The following CADPS2 variants were observed in gnomAD, a reference collection of about 807,000 sequenced individuals.
CADPS2 encodes calcium dependent secretion activator 2.
A neutral mutation model predicts 172.5 loss-of-function variants in CADPS2; 93 were observed. The observed-to-expected ratio is 0.54, with a 90% CI of 0.46 to 0.64. The LOEUF is 0.64. CADPS2 is among the 30% of genes least tolerant of loss of function. The pLI is 0.00. For missense variants in CADPS2, 1,420 were observed against 1,565.9 expected (o/e 0.91, Z 1.57); for synonymous variants, 546 against 555.2 (o/e 0.98, Z 0.23).
intron 7 of CADPS2, among the ~76,000 whole-genome samples, chr7:122,566,827 C>T (rs982115452): frequency 6.6e-5 from 10 of 152,106 alleles, no homozygotes; most frequent in African/African-American, 2.4e-4. Flanking sequence ...AGAAATGAAA[C>T]CAAATTAAGC....
intron 3 of CADPS2, among the ~76,000 whole-genome samples, chr7:122,641,767 A>T (rs1363457220): frequency 6.6e-6 from 1 of 152,068 alleles, no homozygotes; most frequent in African/African-American, 2.4e-5. Flanking sequence ...TTAATTCCAT[A>T]TACATGTTTT....
At position 122,607,011 on chromosome 7, in the gene CADPS2, G is replaced by A. The variant is rs191947172; in HGVS notation, c.1223+8170C>T. On this transcript the variant is annotated intron_variant, in intron 6 of 29. Coordinates refer to ENST00000449022, the MANE Select transcript of CADPS2 (RefSeq NM_017954.11). ...CATGTGGACACCTGATATGACAAAC[G>A]GCATTTGCTAACCAAGAGAGAACTA... Among the ~76,000 whole-genome samples the A allele has an allele frequency of 1.2e-3, 180 of 151,762 alleles. 3 individuals carry two copies. The highest frequency in any genetic ancestry group is 2.2e-3 in the Non-Finnish European group (150 of 67,964).
intron 6 of CADPS2, among the ~76,000 whole-genome samples, chr7:122,599,908 T>C (rs1264722049): frequency 1.3e-5 from 2 of 152,044 alleles, no homozygotes; most frequent in East Asian, 3.9e-4. Flanking sequence ...CTGTTTCCTA[T>C]CTAATTAAAG....
chr7:122,669,864 A>G (rs954389578), intron 2 of CADPS2, among the ~76,000 whole-genome samples: 3 of 151,800 alleles, frequency 2.0e-5, no homozygotes, highest in African/African-American at 4.8e-5. Context: ...TGACTTTTCC[A>G]ATATTTGTTC....
At chr7:122,525,521 C>T (rs1290653966) in intron 8 of CADPS2, among the ~76,000 whole-genome samples, 4 of 152,022 alleles carry the variant, frequency 2.6e-5, no homozygotes, top group Admixed American at 1.3e-4. Context: ...CAGTAAGATA[C>T]GCTTGCTGTT....
At chr7:122,837,016 A>G (rs1027026908) in intron 1 of CADPS2, among the ~76,000 whole-genome samples, 7 of 152,228 alleles carry the variant, frequency 4.6e-5, no homozygotes, top group African/African-American at 1.7e-4. Flanking sequence ...AAAATTGACC[A>G]CACAGTTGGA....
chr7:122,419,278 A>T (rs538177197), intron 17 of CADPS2, among the ~76,000 whole-genome samples: 22 of 152,334 alleles, frequency 1.4e-4, no homozygotes, highest in African/African-American at 5.3e-4. Context: ...TGTATCTAAT[A>T]CATCAAGGGT....
intron 14 of CADPS2, among the ~76,000 whole-genome samples, chr7:122,464,520 G>C (rs943048478): frequency 6.6e-6 from 1 of 152,000 alleles, no homozygotes; most frequent in Non-Finnish European, 1.5e-5. Flanking sequence ...CTTCAAACTA[G>C]AGTATAAAAA....
intron 2 of CADPS2, among the ~76,000 whole-genome samples, chr7:122,675,132 T>G (rs1015784989): frequency 6.6e-6 from 1 of 152,250 alleles, no homozygotes; most frequent in Non-Finnish European, 1.5e-5. Context: ...TCAAGTGTGC[T>G]GAAGCTCTAA....
At chr7:122,750,822 G>A (rs1447571676) in intron 1 of CADPS2, among the ~76,000 whole-genome samples, 2 of 152,074 alleles carry the variant, frequency 1.3e-5, no homozygotes, top group African/African-American at 4.8e-5. Context: ...CTGGAAAGCT[G>A]TATAGTTTTA....
chr7:122,624,806 T>C (rs760339840), intron 4 of CADPS2, among the ~76,000 whole-genome samples: 4 of 152,192 alleles, frequency 2.6e-5, no homozygotes, highest in Non-Finnish European at 5.9e-5. Flanking sequence ...GTCTGCTATG[T>C]GTTCTGCTCC....
intron 1 of CADPS2, among the ~76,000 whole-genome samples, chr7:122,790,340 A>T (rs1323968577): frequency 6.6e-6 from 1 of 150,994 alleles, no homozygotes; most frequent in African/African-American, 2.4e-5. Flanking sequence ...TCACAGCTGC[A>T]GTGAGGTATG....
intron 1 of CADPS2, among the ~76,000 whole-genome samples, chr7:122,750,486 C>T (rs192132845): frequency 1.0e-3 from 154 of 152,156 alleles, no homozygotes; most frequent in African/African-American, 3.5e-3. Context: ...TGTCCTGTTT[C>T]TATGCCCAGT....
chr7:122,659,322 A>AAAAAC (rs1563987305), intron 3 of CADPS2, among the ~76,000 whole-genome samples: 1 of 151,568 alleles, frequency 6.6e-6, no homozygotes, highest in Non-Finnish European at 1.5e-5. Flanking sequence ...AAAAAAAAAA[A>AAAAAC]AAAACACCGT....
intron 7 of CADPS2, among the ~76,000 whole-genome samples, chr7:122,564,616 T>G (rs2132305810): frequency 6.6e-6 from 1 of 152,142 alleles, no homozygotes; most frequent in Middle Eastern, 3.4e-3. Context: ...TGGAGATTTC[T>G]TAAAGAACTA....
At chr7:122,593,887 A>T (rs1275362233) in intron 6 of CADPS2, among the ~76,000 whole-genome samples, 1 of 152,020 alleles carries the variant, frequency 6.6e-6, no homozygotes, top group Non-Finnish European at 1.5e-5. Flanking sequence ...GTCAACTTAC[A>T]ATAGGCAAAG....
chr7:122,842,244 G>C (rs755026909), intron 1 of CADPS2, among the ~76,000 whole-genome samples: 2 of 152,102 alleles, frequency 1.3e-5, no homozygotes, highest in Non-Finnish European at 2.9e-5. Flanking sequence ...GACCAAACTC[G>C]ACTACAGCCA....
rs755607235 is a variant in CADPS2 at position 122,346,663 on chromosome 7, G to A, written c.3505-982C>T. ...ATGAACTAGTTTCCTATGTACAGCC[G>A]AAGATGTGGATTAAATACCTTTCCA... On this transcript the variant is annotated intron_variant, in intron 27 of 29. Coordinates refer to ENST00000449022, the MANE Select transcript of CADPS2 (RefSeq NM_017954.11). Among the ~76,000 whole-genome samples, 5 of 152,116 alleles carry A rather than the reference G, an allele frequency of 3.3e-5. No homozygotes were observed. The East Asian group carries it at 9.6e-4, about 29-fold the overall frequency.
chr7:122,729,697 T>A (rs1244268378), intron 2 of CADPS2, among the ~76,000 whole-genome samples: 2 of 111,618 alleles, frequency 1.8e-5, no homozygotes, highest in Non-Finnish European at 3.8e-5. Context: ...TTTTTTTTTT[T>A]ACTGTTGAGT....
Sources: gnomAD v4.1 joint callset for allele counts (sites outside exome capture counted in the v4.1 genomes callset) on GRCh38, gnomAD v4.1.1 for gene constraint, MANE v1.5 for transcripts, NCBI Gene and HGNC (gene_info 2026-07-23, HGNC 2026-07-21) for gene names.